Variants in VWC2L observed in about 807,000 individuals in gnomAD.
VWC2L encodes von Willebrand factor C domain containing 2 like, also known as von Willebrand factor C domain-containing protein 2-like.
VWC2L carries 10 observed loss-of-function variants against 21.6 expected under a neutral mutation model. The ratio of observed to expected loss-of-function variants is 0.46; its 90% CI spans 0.29 to 0.78. The LOEUF (loss-of-function observed/expected upper bound fraction) is 0.78, where lower values mean the gene tolerates loss of function less well. VWC2L is among the 30% of genes least tolerant of loss of function. The pLI, the probability that VWC2L is intolerant of heterozygous loss-of-function variation, is 0.10. For synonymous variants in VWC2L, 96 were observed against 94.3 expected (o/e 1.02, Z -0.10); for missense variants, 209 against 277.1 (o/e 0.75, Z 1.74).
At chr2:214,541,528 C>A (rs1333271290) in intron 3 of VWC2L, among the ~76,000 whole-genome samples, 2 of 152,102 alleles carry the variant, frequency 1.3e-5, no homozygotes, top group South Asian at 2.1e-4. Context: ...TAATGGAAGC[C>A]TAGAAATAAT....
chr2:214,486,070 C>CT (rs1478184477), intron 3 of VWC2L, among the ~76,000 whole-genome samples: 3 of 151,798 alleles, frequency 2.0e-5, no homozygotes, highest in Non-Finnish European at 2.9e-5. Flanking sequence ...CTTAGACACT[C>CT]TGTCTGTGTA....
chr2:214,476,047 CT>C (rs1389988954), intron 3 of VWC2L, among the ~76,000 whole-genome samples: 1 of 152,148 alleles, frequency 6.6e-6, no homozygotes, highest in Non-Finnish European at 1.5e-5. Context: ...GTTATTATTT[CT>C]GCCCTTCTTT....
At position 214,576,886 on chromosome 2, in the gene VWC2L, C is replaced by T. The variant is rs1016595261; in HGVS notation, c.*1066C>T. 1 of 141,528 alleles carries T rather than the reference C, an allele frequency of 7.1e-6. No individual in the cohort carries two copies. Among genetic ancestry groups the T allele is most frequent in the Non-Finnish European group, 1.5e-5 (1 of 66,334 alleles). The allele number at this position is 141,528 out of a possible 1,614,324, so 8.8% of individuals were successfully genotyped here. On this transcript the variant is annotated 3_prime_UTR_variant, in exon 4 of 4. Transcript: ENST00000312504. ...AAACACAGATTCAGGACACCCTTTC[C>T]ACCTCAAGTGCTGATTTAAATTAAA...
chr2:214,535,712 T>A (rs1689516160), intron 3 of VWC2L, among the ~76,000 whole-genome samples: 1 of 151,848 alleles, frequency 6.6e-6, no homozygotes, highest in Admixed American at 6.6e-5. Context: ...AGCTACAGAG[T>A]ACTTAGATCA....
At chr2:214,429,303 G>GT (rs1702567952) in intron 2 of VWC2L, among the ~76,000 whole-genome samples, 1 of 152,144 alleles carries the variant, frequency 6.6e-6, no homozygotes, top group South Asian at 2.1e-4. Context: ...TGTCAAGAAT[G>GT]TTTTTTATAC....
Position 214,578,836 on chromosome 2 carries a change from C to T in VWC2L, c.*3016C>T, listed in dbSNP as rs569090376. 2 of 150,166 alleles carry T rather than the reference C, an allele frequency of 1.3e-5. No homozygotes were observed. Among genetic ancestry groups the T allele is most frequent in the South Asian group, 2.1e-4 (1 of 4,750 alleles). The allele number at this position is 150,166 out of a possible 1,614,324, so 9.3% of individuals were successfully genotyped here. On this transcript the variant is annotated 3_prime_UTR_variant, in exon 4 of 4. Coordinates refer to ENST00000312504, the MANE Select transcript of VWC2L (RefSeq NM_001080500.4). ...AGTTTCTAAAATCTTTGAAAAATGG[C>T]GTGCCTGAAAACTAGTGAGAAAAAA...
At chr2:214,443,232 G>A (rs1371536735) in intron 3 of VWC2L, among the ~76,000 whole-genome samples, 3 of 151,938 alleles carry the variant, frequency 2.0e-5, no homozygotes, top group South Asian at 2.1e-4. Flanking sequence ...AAAAAAAGCT[G>A]TCTGTGGTGT....
At chr2:214,569,750 A>G (rs1043495143) in intron 3 of VWC2L, among the ~76,000 whole-genome samples, 2 of 152,048 alleles carry the variant, frequency 1.3e-5, no homozygotes, top group Non-Finnish European at 2.9e-5. Flanking sequence ...CAGCCTTTCC[A>G]TAGTCTAGGT....
chr2:214,568,349 T>G (rs1690100076), intron 3 of VWC2L, among the ~76,000 whole-genome samples: 1 of 152,230 alleles, frequency 6.6e-6, no homozygotes, highest in Non-Finnish European at 1.5e-5. Context: ...AGGCAAAAAC[T>G]CTTATTCATT....
chr2:214,448,040 C>A (rs942757190), intron 3 of VWC2L, among the ~76,000 whole-genome samples: 5 of 152,068 alleles, frequency 3.3e-5, no homozygotes, highest in African/African-American at 1.2e-4. Context: ...GTTCTATGAG[C>A]TATGAGTTAA....
At chr2:214,484,750 A>G (rs1399460373) in intron 3 of VWC2L, among the ~76,000 whole-genome samples, 3 of 152,200 alleles carry the variant, frequency 2.0e-5, no homozygotes, top group African/African-American at 7.2e-5. Context: ...TGCCTAAGAC[A>G]TGGTAAAAAG....
At chr2:214,489,655 T>G (rs1337383288) in intron 3 of VWC2L, among the ~76,000 whole-genome samples, 1 of 152,176 alleles carries the variant, frequency 6.6e-6, no homozygotes. Context: ...GAGCAGATTA[T>G]GAGTGTGTTG....
chr2:214,425,243 G>T (rs1462903550), intron 2 of VWC2L, among the ~76,000 whole-genome samples: 1 of 152,138 alleles, frequency 6.6e-6, no homozygotes, highest in Non-Finnish European at 1.5e-5. Context: ...CTTCTAACTT[G>T]CACTCTTGAA....
rs752829797 is a variant in VWC2L at position 214,414,595 on chromosome 2, C to G, written c.390+12C>G. 21 of 1,602,362 alleles carry G rather than the reference C, an allele frequency of 1.3e-5. No individual in the cohort carries two copies. Among genetic ancestry groups the G allele is most frequent in the Non-Finnish European group, 1.4e-5 (17 of 1,177,108 alleles). ...TGGAGGAATTTAAGGTATGCGTTAC[C>G]CTCCATATTTATTGAAATATCAACT... is the stretch of plus-strand genomic sequence containing the variant. On this transcript the variant is annotated intron_variant, in intron 2 of 3. Transcript: ENST00000312504.
intron 3 of VWC2L, among the ~76,000 whole-genome samples, chr2:214,552,830 C>T (rs1199026833): frequency 6.6e-6 from 1 of 152,144 alleles, no homozygotes; most frequent in Non-Finnish European, 1.5e-5. Context: ...CCCTCATATT[C>T]GACTGCTTAA....
At chr2:214,541,136 G>A (rs1005978901) in intron 3 of VWC2L, among the ~76,000 whole-genome samples, 1 of 152,194 alleles carries the variant, frequency 6.6e-6, no homozygotes, top group Non-Finnish European at 1.5e-5. Flanking sequence ...GTAGGATGCT[G>A]TAAGAGATGA....
At chr2:214,519,080 G>A (rs772832937) in intron 3 of VWC2L, among the ~76,000 whole-genome samples, 1 of 152,108 alleles carries the variant, frequency 6.6e-6, no homozygotes, top group Non-Finnish European at 1.5e-5. Context: ...TCGTTCTTTT[G>A]AAAAACCTTA....
chr2:214,424,485 C>A (rs1284167838), intron 2 of VWC2L, among the ~76,000 whole-genome samples: 1 of 152,144 alleles, frequency 6.6e-6, no homozygotes, highest in Non-Finnish European at 1.5e-5. Flanking sequence ...GACCTAGGCA[C>A]ACATTACTTC....
chr2:214,484,189 C>T (rs1326005258), intron 3 of VWC2L, among the ~76,000 whole-genome samples: 3 of 152,022 alleles, frequency 2.0e-5, no homozygotes, highest in Non-Finnish European at 2.9e-5. Flanking sequence ...CCAATATGAC[C>T]TCATCTAACT....
Sources: gnomAD v4.1 joint callset for allele counts (sites outside exome capture counted in the v4.1 genomes callset) on GRCh38, gnomAD v4.1.1 for gene constraint, MANE v1.5 for transcripts, NCBI Gene and HGNC (gene_info 2026-07-23, HGNC 2026-07-21) for gene names.